RORB: variants seen among roughly 807,000 people sequenced by gnomAD.
RORB encodes nuclear receptor ROR-beta.
A neutral mutation model predicts 59.1 loss-of-function variants in RORB; 6 were observed. The observed-to-expected ratio is 0.10, with a 90% CI of 0.06 to 0.20. The LOEUF (loss-of-function observed/expected upper bound fraction) is 0.20. Ranked by LOEUF, RORB falls within the 10% of genes least tolerant of loss-of-function variation. RORB has a pLI of 1.00. For missense variants in RORB, 320 were observed against 560.5 expected, an observed-to-expected ratio of 0.57 and a Z score of 4.33; for synonymous variants, 215 against 204.5, an observed-to-expected ratio of 1.05 and a Z score of -0.44.
Position 74,692,968 on chromosome 9 carries a change from T to C in RORB, c.*7350T>C, listed in dbSNP as rs1447874856. ...TAAATATACTAGAATAAAACAGCAC[T>C]CCCTAACAATTAAAAAAGAGTTTTA... On this transcript the variant is annotated 3_prime_UTR_variant, in exon 10 of 10. Transcript: ENST00000376896. 5 of 152,138 alleles carry C rather than the reference T, an allele frequency of 3.3e-5. No individual in the cohort carries two copies. The highest frequency in any genetic ancestry group is 9.7e-5 in the African/African-American group (4 of 41,448). The allele number at this position is 152,138 out of a possible 1,614,324, so 9.4% of individuals were successfully genotyped here.
At chr9:74,599,748 A>C (rs1191995736) in intron 1 of RORB, among the ~76,000 whole-genome samples, 1 of 152,230 alleles carries the variant, frequency 6.6e-6, no homozygotes, top group Non-Finnish European at 1.5e-5. Context: ...TGGCAGGGCC[A>C]GAACTCTGAC....
At chr9:74,524,775 G>A (rs117546414) in intron 1 of RORB, among the ~76,000 whole-genome samples, 2,109 of 151,766 alleles carry the variant, frequency 0.014, 22 homozygotes, top group Non-Finnish European at 0.021. Flanking sequence ...AACAATGAAA[G>A]AGAAAAATAA....
chr9:74,523,207 C>A (rs1826107385), intron 1 of RORB, among the ~76,000 whole-genome samples: 1 of 151,688 alleles, frequency 6.6e-6, no homozygotes, highest in African/African-American at 2.4e-5. Context: ...ATAGTTCTCT[C>A]CCTTAAGATT....
intron 1 of RORB, among the ~76,000 whole-genome samples, chr9:74,557,856 G>A (rs1822332363): frequency 6.6e-6 from 1 of 151,998 alleles, no homozygotes; most frequent in African/African-American, 2.4e-5. Context: ...TAACAAGGAG[G>A]AAACATTATG....
At chr9:74,640,038 C>T (rs1017664000) in intron 3 of RORB, among the ~76,000 whole-genome samples, 1 of 152,096 alleles carries the variant, frequency 6.6e-6, no homozygotes, top group African/African-American at 2.4e-5. Context: ...AGTGTCTCTA[C>T]AAACAAAGTT....
chr9:74,556,726 T>C (rs113445834), intron 1 of RORB, among the ~76,000 whole-genome samples: 2 of 152,116 alleles, frequency 1.3e-5, no homozygotes, highest in African/African-American at 4.8e-5. Context: ...TATTTACCTA[T>C]ATGCTGTAGT....
intron 1 of RORB, among the ~76,000 whole-genome samples, chr9:74,507,799 A>T (rs1825889064): frequency 6.6e-6 from 1 of 152,036 alleles, no homozygotes. Context: ...TGTGCCTGGC[A>T]TATGTAAAGG....
chr9:74,514,586 G>T lies in RORB; in HGVS notation c.7+16603G>T, dbSNP rs113834271. On this transcript the variant is annotated intron_variant, in intron 1 of 9. Coordinates refer to ENST00000376896, the MANE Select transcript of RORB (RefSeq NM_006914.4). ...GCACAAAACCTGAAACTCAGTAAATGTTGAATAAGTGAGTAGAAGTATTTA... is the reference window on the plus strand; with the variant it reads ...GCACAAAACCTGAAACTCAGTAAATTTTGAATAAGTGAGTAGAAGTATTTA... Among the ~76,000 whole-genome samples, 430 of 151,660 alleles carry T rather than the reference G, an allele frequency of 2.8e-3. 2 individuals are homozygous for T. Among genetic ancestry groups the T allele is most frequent in the African/African-American group, 9.8e-3 (406 of 41,416 alleles).
At chr9:74,607,451 G>A (rs1324303109) in intron 1 of RORB, among the ~76,000 whole-genome samples, 1 of 152,132 alleles carries the variant, frequency 6.6e-6, no homozygotes, top group African/African-American at 2.4e-5. Context: ...GACTACAGAT[G>A]TGTTTCTTCT....
chr9:74,585,900 T>C (rs1019047100), intron 1 of RORB, among the ~76,000 whole-genome samples: 9 of 151,984 alleles, frequency 5.9e-5, no homozygotes, highest in African/African-American at 2.2e-4. Context: ...GTTCACGCCA[T>C]TCTCCTGCCT....
intron 1 of RORB, among the ~76,000 whole-genome samples, chr9:74,530,873 T>A (rs149149416): frequency 2.0e-5 from 3 of 148,370 alleles, no homozygotes; most frequent in Admixed American, 6.7e-5. Flanking sequence ...TCCTTCCCCC[T>A]ACCCCCTACC....
intron 1 of RORB, among the ~76,000 whole-genome samples, chr9:74,558,524 A>G (rs148991338): frequency 1.3e-5 from 2 of 152,184 alleles, no homozygotes; most frequent in African/African-American, 2.4e-5. Context: ...AACTGCATCC[A>G]TTCATTTGCC....
At chr9:74,640,933 C>T (rs974678278) in intron 3 of RORB, among the ~76,000 whole-genome samples, 3 of 152,158 alleles carry the variant, frequency 2.0e-5, no homozygotes, top group African/African-American at 7.2e-5. Flanking sequence ...TCTGTGTTCC[C>T]TTTGTGCTAG....
chr9:74,532,981 T>G (rs977236961), intron 1 of RORB, among the ~76,000 whole-genome samples: 1 of 151,692 alleles, frequency 6.6e-6, no homozygotes, highest in Non-Finnish European at 1.5e-5. Flanking sequence ...TTTAAAAAGT[T>G]AGGAGATTGG....
chr9:74,641,001 T>C (rs941685038), intron 3 of RORB, among the ~76,000 whole-genome samples: 42 of 152,186 alleles, frequency 2.8e-4, no homozygotes, highest in African/African-American at 8.4e-4. Flanking sequence ...ACCCTCATGA[T>C]TGAATCCAGG....
chr9:74,653,229 T>C (rs1187702738), intron 4 of RORB, among the ~76,000 whole-genome samples: 1 of 152,218 alleles, frequency 6.6e-6, no homozygotes, highest in African/African-American at 2.4e-5. Flanking sequence ...AATCTTGATA[T>C]TATGAAAACC....
chr9:74,635,146 G>A (rs1823680485), intron 3 of RORB, among the ~76,000 whole-genome samples: 1 of 152,152 alleles, frequency 6.6e-6, no homozygotes, highest in Non-Finnish European at 1.5e-5. Context: ...CCACATCTGA[G>A]TATGTTCACT....
chr9:74,616,458 T>C lies in RORB; in HGVS notation c.8-13824T>C, dbSNP rs191453041. Among the ~76,000 whole-genome samples, 88 of 152,248 alleles carry C rather than the reference T, an allele frequency of 5.8e-4. 1 individual carries two copies. The highest frequency in any genetic ancestry group is 1.2e-4 in the Non-Finnish European group (8 of 68,010). On this transcript the variant is annotated intron_variant, in intron 1 of 9. Transcript: ENST00000376896. ...TATAGCTTCCTGGTGCTTGTATTTG[T>C]AGGAAAAAAAGTAGATACTGTTTCT... is the stretch of plus-strand genomic sequence containing the variant.
At chr9:74,666,744 C>T (rs948350946) in intron 7 of RORB, among the ~76,000 whole-genome samples, 1 of 152,174 alleles carries the variant, frequency 6.6e-6, no homozygotes, top group Admixed American at 6.5e-5. Context: ...TCATGCCAAC[C>T]TGTCCACAGT....
Sources: allele counts gnomAD v4.1 joint callset (sites outside exome capture counted in the v4.1 genomes callset), GRCh38; gene constraint gnomAD v4.1.1; transcripts MANE v1.5; gene names NCBI Gene and HGNC (gene_info 2026-07-23, HGNC 2026-07-21).